Variants in MB21D2 observed in about 807,000 individuals in gnomAD.
MB21D2 encodes nucleotidyltransferase MB21D2.
Under a neutral mutation model 33.3 loss-of-function variants are expected in MB21D2, and 9 were observed. That is an observed-to-expected ratio of 0.27 (90% CI 0.16 to 0.47). The LOEUF (loss-of-function observed/expected upper bound fraction) is 0.47. MB21D2 is among the 20% of genes least tolerant of loss of function. MB21D2 has a pLI of 0.99. For missense variants in MB21D2, 540 were observed against 624.6 expected, an observed-to-expected ratio of 0.86 and a Z score of 1.44; for synonymous variants, 241 against 236.3, an observed-to-expected ratio of 1.02 and a Z score of -0.18.
chr3:192,850,745 C>T (rs1306939896), intron 1 of MB21D2, among the ~76,000 whole-genome samples: 3 of 152,220 alleles, frequency 2.0e-5, no homozygotes, highest in Admixed American at 6.5e-5. Context: ...CACTGCGCAC[C>T]ATAATCCGAA....
At chr3:192,856,519 T>C (rs960111631) in intron 1 of MB21D2, among the ~76,000 whole-genome samples, 2 of 152,270 alleles carry the variant, frequency 1.3e-5, no homozygotes, top group African/African-American at 4.8e-5. Flanking sequence ...CCCTTGCGTG[T>C]TTTCTGAAAT....
chr3:192,917,617 T>C lies in MB21D2; in HGVS notation c.211+13A>G. The C allele has an allele frequency of 6.2e-7, 1 of 1,613,652 alleles. No homozygotes were observed. Among genetic ancestry groups the C allele is most frequent in the Non-Finnish European group, 8.5e-7 (1 of 1,179,828 alleles). On this transcript the variant is annotated intron_variant, in intron 1 of 1. Coordinates refer to ENST00000392452, the MANE Select transcript of MB21D2 (RefSeq NM_178496.4). ...CACACACGCACACACACCTCCCCCT[T>C]TTTCCTCCTTACCCAGCATGGAAAA...
chr3:192,860,162 C>T (rs1023999415), intron 1 of MB21D2, among the ~76,000 whole-genome samples: 4 of 152,104 alleles, frequency 2.6e-5, no homozygotes, highest in African/African-American at 9.7e-5. Context: ...CCCACATGGC[C>T]GAGTAGTTTT....
At chr3:192,836,756 A>G (rs1028655756) in intron 1 of MB21D2, among the ~76,000 whole-genome samples, 26 of 152,290 alleles carry the variant, frequency 1.7e-4, no homozygotes, top group African/African-American at 6.0e-4. Context: ...AGCTAATACA[A>G]CACTGAACAG....
chr3:192,850,597 T>C (rs1376140899), intron 1 of MB21D2, among the ~76,000 whole-genome samples: 1 of 152,202 alleles, frequency 6.6e-6, no homozygotes, highest in African/African-American at 2.4e-5. Flanking sequence ...CCCACCCAGA[T>C]ACACATACAC....
At chr3:192,854,425 T>G (rs188425342) in intron 1 of MB21D2, among the ~76,000 whole-genome samples, 2 of 152,166 alleles carry the variant, frequency 1.3e-5, no homozygotes, top group African/African-American at 4.8e-5. Context: ...GAAGAAAAGT[T>G]TGAAGCTAGC....
intron 1 of MB21D2, among the ~76,000 whole-genome samples, chr3:192,869,261 A>AAATG (rs1435697832): frequency 1.2e-3 from 156 of 133,100 alleles, no homozygotes; most frequent in African/African-American, 4.4e-3. Context: ...ATGTCAAAAA[A>AAATG]AAAGAAAGGA....
intron 1 of MB21D2, among the ~76,000 whole-genome samples, chr3:192,855,287 C>T (rs867237307): frequency 9.2e-5 from 14 of 152,220 alleles, no homozygotes; most frequent in Middle Eastern, 3.4e-3. Flanking sequence ...TTAGTAGAGA[C>T]GGGGTTTCAC....
chr3:192,800,673 G>A (rs1050796174), intron 1 of MB21D2, among the ~76,000 whole-genome samples: 3 of 152,104 alleles, frequency 2.0e-5, no homozygotes, highest in African/African-American at 7.2e-5. Flanking sequence ...CATAAAACCC[G>A]TCTTCCTCAT....
intron 1 of MB21D2, among the ~76,000 whole-genome samples, chr3:192,828,525 GT>G (rs1325413502): frequency 4.2e-5 from 6 of 142,486 alleles, no homozygotes; most frequent in African/African-American, 1.5e-4. Context: ...ATTTGGACAG[GT>G]TGATATATTT....
chr3:192,880,421 G>A (rs998914460), intron 1 of MB21D2, among the ~76,000 whole-genome samples: 3 of 152,066 alleles, frequency 2.0e-5, no homozygotes, highest in African/African-American at 7.3e-5. Flanking sequence ...GACAAAGTCT[G>A]GGGTTCAAGA....
intron 1 of MB21D2, among the ~76,000 whole-genome samples, chr3:192,875,470 G>A (rs1273840934): frequency 6.6e-6 from 1 of 152,090 alleles, no homozygotes; most frequent in Non-Finnish European, 1.5e-5. Context: ...AATTTTTCTT[G>A]TTGTTGTTGT....
At chr3:192,808,106 T>C (rs987471253) in intron 1 of MB21D2, among the ~76,000 whole-genome samples, 3 of 152,152 alleles carry the variant, frequency 2.0e-5, no homozygotes, top group African/African-American at 7.2e-5. Flanking sequence ...AGTTAAATGC[T>C]CTGGCATGCA....
At chr3:192,904,936 G>A (rs375712248) in intron 1 of MB21D2, among the ~76,000 whole-genome samples, 70 of 152,304 alleles carry the variant, frequency 4.6e-4, no homozygotes, top group African/African-American at 1.5e-3. Flanking sequence ...TTCTCACAAC[G>A]GGGTAATGAG....
At chr3:192,912,333 A>AACAGAGGGAGAGAAAGAGGG (rs1714374930) in intron 1 of MB21D2, among the ~76,000 whole-genome samples, 2 of 152,202 alleles carry the variant, frequency 1.3e-5, no homozygotes, top group African/African-American at 4.8e-5. Context: ...GCGTGAAAAA[A>AACAGAGGGAGAGAAAGAGGG]ACAGAGGGAG....
chr3:192,820,257 G>A (rs1712014722), intron 1 of MB21D2, among the ~76,000 whole-genome samples: 1 of 152,110 alleles, frequency 6.6e-6, no homozygotes, highest in Admixed American at 6.5e-5. Context: ...AAATTTATGA[G>A]TATCATGAAA....
At chr3:192,874,334 T>C (rs755402780) in intron 1 of MB21D2, among the ~76,000 whole-genome samples, 10 of 152,180 alleles carry the variant, frequency 6.6e-5, no homozygotes, top group Non-Finnish European at 1.3e-4. Context: ...GTCAGAACCA[T>C]AGCTAGAATC....
chr3:192,847,335 A>G (rs373723046), intron 1 of MB21D2, among the ~76,000 whole-genome samples: 30 of 152,328 alleles, frequency 2.0e-4, no homozygotes, highest in African/African-American at 7.2e-4. Context: ...CTTGACAAAT[A>G]TCACCTTATT....
chr3:192,856,873 T>C (rs1712929705), intron 1 of MB21D2, among the ~76,000 whole-genome samples: 1 of 152,148 alleles, frequency 6.6e-6, no homozygotes, highest in Non-Finnish European at 1.5e-5. Context: ...ATTTTTGGTT[T>C]TTCTCTTATC....
Sources: allele counts gnomAD v4.1 joint callset (sites outside exome capture counted in the v4.1 genomes callset), GRCh38; gene constraint gnomAD v4.1.1; transcripts MANE v1.5; gene names NCBI Gene and HGNC (gene_info 2026-07-23, HGNC 2026-07-21).